Variants in GLUL observed in about 807,000 individuals in gnomAD.
GLUL encodes glutamine synthetase.
A neutral mutation model predicts 36.9 loss-of-function variants in GLUL; 8 were observed. The ratio of observed to expected loss-of-function variants is 0.22; its 90% CI spans 0.13 to 0.39. The LOEUF (loss-of-function observed/expected upper bound fraction) is 0.39. GLUL is among the 10% of genes least tolerant of loss of function. GLUL has a pLI of 1.00. For synonymous variants in GLUL, 182 were observed against 172.8 expected, an observed-to-expected ratio of 1.05 and a Z score of -0.42; for missense variants, 315 against 501.8, an observed-to-expected ratio of 0.63 and a Z score of 3.56.
chr1:182,387,413 A>C (rs1650230930), intron 2 of GLUL, 121 bp from the exon 3 acceptor site: 1 of 790,548 alleles, frequency 1.3e-6, no homozygotes, highest in South Asian at 1.4e-5. Context: ...GGAATTCATT[A>C]AGGTATAAAT....
intron 1 of GLUL, 47 bp from the exon 2 acceptor site, chr1:182,388,797 G>C: frequency 6.9e-7 from 1 of 1,444,782 alleles, no homozygotes; most frequent in South Asian, 1.1e-5. Context: ...ACTCCAAACT[G>C]ATCCCCTGCA....
intron 4 of GLUL, 129 bp downstream of exon 4, chr1:182,386,127 G>T (rs1362122361): frequency 3.0e-6 from 3 of 993,190 alleles, no homozygotes; most frequent in Non-Finnish European, 4.9e-6. Flanking sequence ...TTGGTGATGT[G>T]AGGGCTGTTT....
Position 182,380,129 on chromosome 1 carries a change from T to C in GLUL, c.*4276A>G, listed in dbSNP as rs1010663876. On this transcript the variant is annotated 3_prime_UTR_variant, in exon 7 of 7. Coordinates refer to ENST00000331872, the MANE Select transcript of GLUL (RefSeq NM_001033044.4). ...TCTCAAGGTGCTGGGATTATAGGCA[T>C]GAGCCACTGTGCCTGGCAGTTATAA... 6.6e-6 allele frequency among the ~76,000 whole-genome samples: 1 copy of C among 152,218 alleles called. No homozygotes were observed. Among genetic ancestry groups the C allele is most frequent in the African/African-American group, 2.4e-5 (1 of 41,470 alleles).
At chr1:182,391,591 C>A in intron 1 of GLUL, 88 bp downstream of exon 1, 1 of 199,256 alleles carries the variant, frequency 5.0e-6, no homozygotes, top group African/African-American at 2.3e-5. Context: ...GGGCAGGCAG[C>A]CGAAAAAAGA....
rs1043112165 is a variant in GLUL at position 182,381,835 on chromosome 1, G to GTATA, written c.*2566_*2569dup. On this transcript the variant is annotated 3_prime_UTR_variant, in exon 7 of 7. Coordinates refer to ENST00000331872, the MANE Select transcript of GLUL (RefSeq NM_001033044.4). Reference sequence around the variant, plus strand: ...AAGCACAGATTCAATGGAAATAAGGGTATACATCATTTAACAACAAAATCA... The same window carrying GTATA: ...AAGCACAGATTCAATGGAAATAAGGGTATATATACATCATTTAACAACAAAATCA... 3 of 152,168 alleles carry GTATA rather than the reference G, an allele frequency of 2.0e-5. No homozygotes were observed. The highest frequency in any genetic ancestry group is 7.2e-5 in the African/African-American group (3 of 41,404). 9.4% of individuals were successfully genotyped at this position (152,168 alleles called of 1,614,324 possible).
At chr1:182,389,000 C>T in intron 1 of GLUL, 1 of 435,518 alleles carries the variant, frequency 2.3e-6, no homozygotes, top group Non-Finnish European at 4.3e-6. Flanking sequence ...AACACAGATG[C>T]CTGCTAAAGA....
At position 182,379,957 on chromosome 1, in the gene GLUL, G is replaced by C. The variant is rs1429966120; in HGVS notation, c.*4448C>G. 1.3e-5 allele frequency among the ~76,000 whole-genome samples: 2 copies of C among 150,662 alleles called. No homozygotes were observed. The highest frequency in any genetic ancestry group is 1.3e-4 in the Admixed American group (2 of 15,106). On this transcript the variant is annotated 3_prime_UTR_variant, in exon 7 of 7. Coordinates refer to ENST00000331872, the MANE Select transcript of GLUL (RefSeq NM_001033044.4). ...CCTTCCAGGTTCAAGCAATTCTCCT[G>C]TCTCAGTCTCCCAAGCAGCTGGGAT...
chr1:182,391,355 C>G, intron 1 of GLUL: 1 of 398,052 alleles, frequency 2.5e-6, no homozygotes, highest in Non-Finnish European at 4.4e-6. Flanking sequence ...AGCCCCAGGG[C>G]GCAGGCCGGC....
intron 1 of GLUL, chr1:182,389,329 C>G (rs1252203741): frequency 6.4e-6 from 1 of 156,160 alleles, no homozygotes; most frequent in Non-Finnish European, 1.4e-5. Context: ...GGTCTTAACT[C>G]AAACCCACCG....
Position 182,385,181 on chromosome 1 carries a change from T to C in GLUL, c.803+176A>G, listed in dbSNP as rs1001540947. The C allele has an allele frequency of 2.1e-5, 13 of 626,336 alleles. No individual in the cohort carries two copies. In the African/African-American group the frequency reaches 2.4e-4, roughly 11 times the overall value. The allele number at this position is 626,336 out of a possible 1,614,324, so 38.8% of individuals were successfully genotyped here. ...TTCAAATAGGAACAAAATGAGAGAA[T>C]GTGAAGGCAAGTGTCAACACCTAAA... On this transcript the variant is annotated intron_variant, in intron 6 of 6. Transcript: ENST00000331872.
At position 182,387,130 on chromosome 1, in the gene GLUL, C is replaced by T. The variant is rs113485734; in HGVS notation, c.328+1G>A. ...GTATCCATAGCTGTGCTATAACACACCTGCAGGCCTTCGATTGTACTTGAA... is the reference window on the plus strand; with the variant it reads ...GTATCCATAGCTGTGCTATAACACATCTGCAGGCCTTCGATTGTACTTGAA... On this transcript the variant is annotated splice_donor_variant, in intron 3 of 6. Transcript: ENST00000331872. LOFTEE classifies it high-confidence loss of function. 6.2e-7 allele frequency: 1 copy of T among 1,610,188 alleles called. No homozygotes were observed. The highest frequency in any genetic ancestry group is 8.5e-7 in the Non-Finnish European group (1 of 1,176,466).
chr1:182,391,500 G>A (rs1262942646), intron 1 of GLUL, 179 bp downstream of exon 1: 1 of 341,600 alleles, frequency 2.9e-6, no homozygotes, highest in Non-Finnish European at 5.3e-6. Flanking sequence ...AGCCACCAGC[G>A]GCGGAAGCAC....
At position 182,379,302 on chromosome 1, in the gene GLUL, A is replaced by G. The variant is rs1312652895; in HGVS notation, c.*5103T>C. On this transcript the variant is annotated 3_prime_UTR_variant, in exon 7 of 7. Transcript: ENST00000331872. ...AAGTGGAGTGATCTTTGCTTACTGTAACCTCTGCCTCCCTGGCTCCAGCGA... is the reference window on the plus strand; with the variant it reads ...AAGTGGAGTGATCTTTGCTTACTGTGACCTCTGCCTCCCTGGCTCCAGCGA... Among the ~76,000 whole-genome samples, 3 of 151,798 alleles carry G rather than the reference A, an allele frequency of 2.0e-5. No individual in the cohort carries two copies. The highest frequency in any genetic ancestry group is 7.3e-5 in the African/African-American group (3 of 41,294).
In GLUL at chr1:182,386,386, G is replaced by A. The variant is rs1650182985; in HGVS notation, c.345C>T (p.His115=). ...CCATGTCCATTATCCGTTTACAGGT[G>A]TGCCTCAAATTGGTCTCTAGAAAAA... ...NRRPAETNLR[H]TCKRIMDMVS... The change falls in exon 4 of 7, where the codon CAC becomes CAT. Residue 115 remains histidine, a synonymous_variant. Transcript: ENST00000331872. 1 of 1,612,350 alleles carries A rather than the reference G, an allele frequency of 6.2e-7. No homozygotes were observed. Among genetic ancestry groups the A allele is most frequent in the Non-Finnish European group, 8.5e-7 (1 of 1,178,332 alleles).
chr1:182,384,938 CT>C, intron 6 of GLUL: 3 of 599,630 alleles, frequency 5.0e-6, no homozygotes, highest in South Asian at 1.9e-5. Context: ...CTTTCTCCCC[CT>C]CATAAGCATT....
At chr1:182,389,063 G>A in intron 1 of GLUL, 1 of 364,856 alleles carries the variant, frequency 2.7e-6, no homozygotes, top group Admixed American at 3.8e-5. Flanking sequence ...TGAGCTCACA[G>A]GCTTAAGTTC....
intron 1 of GLUL, chr1:182,391,069 C>T (rs1027876188): frequency 5.0e-6 from 2 of 398,186 alleles, no homozygotes; most frequent in Admixed American, 4.4e-5. Context: ...CCGCCCGGAC[C>T]GGCTTCTCCA....
chr1:182,387,318 A>C (rs779156551), intron 2 of GLUL, 26 bp from the exon 3 acceptor site: 1 of 1,580,748 alleles, frequency 6.3e-7, no homozygotes, highest in Admixed American at 1.7e-5. Flanking sequence ...GGAAAATTAC[A>C]TTTAAAACAT....
rs1366117185 is a variant in GLUL at position 182,383,369 on chromosome 1, C to T, written c.*1036G>A. On this transcript the variant is annotated 3_prime_UTR_variant, in exon 7 of 7. Coordinates refer to ENST00000331872, the MANE Select transcript of GLUL (RefSeq NM_001033044.4). ...TTCCTACCAGAAAATAACCCCAATACCCCCTCTGTCAGTAACATGCTCAAG... is the reference window on the plus strand; with the variant it reads ...TTCCTACCAGAAAATAACCCCAATATCCCCTCTGTCAGTAACATGCTCAAG... 2.0e-5 allele frequency: 3 copies of T among 152,166 alleles called. No individual in the cohort carries two copies. Among genetic ancestry groups the T allele is most frequent in the Non-Finnish European group, 1.5e-5 (1 of 68,034 alleles). The allele number at this position is 152,166 out of a possible 1,614,324, so 9.4% of individuals were successfully genotyped here.
Sources: gnomAD v4.1 joint callset for allele counts (sites outside exome capture counted in the v4.1 genomes callset) on GRCh38, gnomAD v4.1.1 for gene constraint, MANE v1.5 for transcripts, NCBI Gene and HGNC (gene_info 2026-07-23, HGNC 2026-07-21) for gene names.